PACRGL: variants seen among roughly 807,000 people sequenced by gnomAD.
PACRGL encodes the protein parkin coregulated like, also known as PACRG-like protein.
In PACRGL, 38 loss-of-function variants were observed where a neutral mutation model predicts 34.5. That is an observed-to-expected ratio of 1.10 (90% confidence interval 0.85 to 1.44). PACRGL has a LOEUF of 1.44. PACRGL is among the 40% of genes most tolerant of loss of function. The pLI is 0.00. For missense variants in PACRGL, 305 were observed against 281.4 expected (o/e 1.08, Z -0.60); for synonymous variants, 128 against 100.1 (o/e 1.28, Z -1.66).
intron 8 of PACRGL, among the ~76,000 whole-genome samples, chr4:20,744,937 C>T (rs750096904): frequency 7.9e-5 from 12 of 152,032 alleles, no homozygotes; most frequent in Non-Finnish European, 1.5e-4. Flanking sequence ...ATGACCTGGG[C>T]GAAGTCAGGA....
At chr4:20,733,301 G>C (rs955996312), downstream of PACRGL, among the ~76,000 whole-genome samples, 1 of 152,074 alleles carries the variant, frequency 6.6e-6, no homozygotes, top group Non-Finnish European at 1.5e-5. Context: ...GTGAAGACTA[G>C]TCAAAAAATT....
chr4:20,697,643 G>A (rs976783204), upstream of PACRGL, among the ~76,000 whole-genome samples: 1 of 152,132 alleles, frequency 6.6e-6, no homozygotes, highest in Non-Finnish European at 1.5e-5. Flanking sequence ...GTCTATTTGG[G>A]CTGCTATAGT....
At chr4:20,715,126 A>G (rs1488843585) in intron 7 of PACRGL, among the ~76,000 whole-genome samples, 1 of 152,230 alleles carries the variant, frequency 6.6e-6, no homozygotes, top group African/African-American at 2.4e-5. Flanking sequence ...CTTTGTAGGG[A>G]CATGGATGAA....
intron 5 of PACRGL, among the ~76,000 whole-genome samples, chr4:20,711,577 T>C (rs902043297): frequency 6.6e-6 from 1 of 151,306 alleles, no homozygotes; most frequent in African/African-American, 2.4e-5. Flanking sequence ...GATATTTAGG[T>C]CTGAAGGACA....
intron 7 of PACRGL, among the ~76,000 whole-genome samples, chr4:20,720,106 A>C (rs1414370636): frequency 6.6e-6 from 1 of 151,804 alleles, no homozygotes; most frequent in Non-Finnish European, 1.5e-5. Flanking sequence ...GTCTCTTTTG[A>C]TCTTTGTTGG....
chr4:20,738,716 A>G (rs7660006), intron 8 of PACRGL, among the ~76,000 whole-genome samples: 49,986 of 152,108 alleles, frequency 0.33, 8,753 homozygotes, highest in African/African-American at 0.44. Context: ...CAACTGAGGT[A>G]CCAGGTTCAT....
At chr4:20,757,510 T>A (rs1047902435), downstream of PACRGL, among the ~76,000 whole-genome samples, 2 of 152,152 alleles carry the variant, frequency 1.3e-5, no homozygotes, top group African/African-American at 4.8e-5. Context: ...CTAGGACATT[T>A]CACCCTCCAT....
rs1468643387 is a variant in PACRGL, at chr4:20,730,997, A to G, written c.*3656A>G. Among the ~76,000 whole-genome samples the G allele has an allele frequency of 6.6e-6, 1 of 152,234 alleles. No homozygotes were observed. The highest frequency in any genetic ancestry group is 1.5e-5 in the Non-Finnish European group (1 of 68,052). ...TGAGAGACAAGCAGACATCCAGAAA[A>G]GTAAGAACAACAATTTAAAAATAAA... On this transcript the variant is annotated 3_prime_UTR_variant, in exon 9 of 9. Coordinates refer to ENST00000503585, the MANE Select transcript of PACRGL (RefSeq NM_001258345.3).
chr4:20,751,720 T>A (rs1295567758), intron 8 of PACRGL, among the ~76,000 whole-genome samples: 2 of 152,198 alleles, frequency 1.3e-5, no homozygotes, highest in African/African-American at 4.8e-5. Context: ...AACATGGGTA[T>A]ATGATAATTA....
chr4:20,721,126 A>G (rs1742906122), intron 7 of PACRGL, among the ~76,000 whole-genome samples: 1 of 152,116 alleles, frequency 6.6e-6, no homozygotes, highest in African/African-American at 2.4e-5. Flanking sequence ...TCGGCTACTG[A>G]AGCTTGTGCA....
the PACRGL span, chr4:20,758,735 G>A: frequency 1.0e-6 from 1 of 962,592 alleles, no homozygotes; most frequent in Non-Finnish European, 1.7e-6. Flanking sequence ...TAAAAATGTA[G>A]CATCATGCTA....
In PACRGL at chr4:20,732,016, C is replaced by T; in HGVS notation, c.*4675C>T. 1 of 1,613,418 alleles carries T rather than the reference C, an allele frequency of 6.2e-7. No individual in the cohort carries two copies. Among genetic ancestry groups the T allele is most frequent in the Non-Finnish European group, 8.5e-7 (1 of 1,179,738 alleles). ...ACTTTCATTACTTACTTTTTGGCAG[C>T]TTTCAATGAACTCATCTATGGTAAC... On this transcript the variant is annotated 3_prime_UTR_variant, in exon 9 of 9. Transcript: ENST00000503585.
intron 8 of PACRGL, among the ~76,000 whole-genome samples, chr4:20,740,159 C>T (rs1750714327): frequency 6.6e-6 from 1 of 152,132 alleles, no homozygotes; most frequent in Non-Finnish European, 1.5e-5. Flanking sequence ...GGAAAACACC[C>T]TTCAGGATAT....
chr4:20,720,033 A>G lies in PACRGL; in HGVS notation c.610-4775A>G, dbSNP rs542624276. 6.1e-4 allele frequency among the ~76,000 whole-genome samples: 93 copies of G among 152,258 alleles called. No individual in the cohort carries two copies. In the South Asian group the frequency reaches 0.01, roughly 17 times the overall value. ...GTGCTCCTGTATTGGGTGCATATATATTTAGGATAGTTAGCCCTTCTTGTT... is the reference window on the plus strand; with the variant it reads ...GTGCTCCTGTATTGGGTGCATATATGTTTAGGATAGTTAGCCCTTCTTGTT... On this transcript the variant is annotated intron_variant, in intron 7 of 8. Transcript: ENST00000503585.
intron 8 of PACRGL, among the ~76,000 whole-genome samples, chr4:20,741,696 A>G (rs1342185240): frequency 1.3e-5 from 2 of 152,250 alleles, no homozygotes; most frequent in South Asian, 2.1e-4. Flanking sequence ...AAAAGCTAGC[A>G]GAAGGCAAGA....
intron 8 of PACRGL, among the ~76,000 whole-genome samples, chr4:20,744,850 T>G (rs1370197189): frequency 6.6e-6 from 1 of 152,190 alleles, no homozygotes; most frequent in Non-Finnish European, 1.5e-5. Flanking sequence ...CTAGCCCTAG[T>G]AGGTCCCAAA....
chr4:20,707,611 A>AG (rs1735107816), intron 3 of PACRGL, among the ~76,000 whole-genome samples, 192 bp from the exon 4 acceptor site: 1 of 109,570 alleles, frequency 9.1e-6, no homozygotes, highest in Non-Finnish European at 1.9e-5. Context: ...CTGAATCGTT[A>AG]GGGGAAAAAG....
chr4:20,738,924 C>T (rs1266874531), intron 8 of PACRGL, among the ~76,000 whole-genome samples: 1 of 152,186 alleles, frequency 6.6e-6, no homozygotes, highest in Non-Finnish European at 1.5e-5. Context: ...TAGCAAACGG[C>T]ACACCAGGAG....
intron 2 of PACRGL, 38 bp downstream of exon 2, chr4:20,704,571 T>C (rs777625084): frequency 6.2e-7 from 1 of 1,613,458 alleles, no homozygotes; most frequent in Non-Finnish European, 8.5e-7. Context: ...AGGTCAAGTT[T>C]GTTCATGGCA....
Sources: gnomAD v4.1 joint callset for allele counts (sites outside exome capture counted in the v4.1 genomes callset) on GRCh38, gnomAD v4.1.1 for gene constraint, MANE v1.5 for transcripts, NCBI Gene and HGNC (gene_info 2026-07-23, HGNC 2026-07-21) for gene names.